Variants in CCDC171 observed in about 807,000 individuals in gnomAD.
CCDC171 encodes the protein coiled-coil domain containing 171.
CCDC171 carries 177 observed loss-of-function variants against 168.2 expected under a neutral mutation model. The observed-to-expected ratio is 1.05, with a 90% confidence interval of 0.93 to 1.19. CCDC171 has a LOEUF of 1.19. CCDC171 is among the 50% of genes most tolerant of loss of function. The probability of loss-of-function intolerance (pLI) is 0.00; values close to 1 mark genes in which losing one functional copy is unlikely to be tolerated. For synonymous variants in CCDC171, 687 were observed against 540.8 expected (o/e 1.27, Z -3.75); for missense variants, 1,991 against 1,539.0 (o/e 1.29, Z -4.91).
At chr9:15,697,356 C>A (rs529396658) in intron 11 of CCDC171, among the ~76,000 whole-genome samples, 8 of 152,182 alleles carry the variant, frequency 5.3e-5, no homozygotes, top group African/African-American at 1.9e-4. Context: ...GGTGCCTCAT[C>A]ATACCTTTTG....
intron 18 of CCDC171, among the ~76,000 whole-genome samples, chr9:15,746,266 C>T (rs1387666369): frequency 3.3e-5 from 5 of 152,070 alleles, no homozygotes; most frequent in Non-Finnish European, 1.5e-5. Flanking sequence ...GTGTAATGGA[C>T]TTAAGATTTG....
chr9:15,814,671 ATATTTT>A (rs2059492766), intron 21 of CCDC171, among the ~76,000 whole-genome samples: 2 of 151,972 alleles, frequency 1.3e-5, no homozygotes, highest in African/African-American at 4.8e-5. Flanking sequence ...AACACACTAG[ATATTTT>A]TATTATATAT....
intron 6 of CCDC171, among the ~76,000 whole-genome samples, chr9:15,619,289 C>T (rs2044330019): frequency 6.6e-6 from 1 of 152,114 alleles, no homozygotes; most frequent in Non-Finnish European, 1.5e-5. Context: ...CAGTACAGGC[C>T]AAACGCTATG....
the CCDC171 span, among the ~76,000 whole-genome samples, chr9:16,097,821 C>A: frequency 1.3e-5 from 2 of 152,206 alleles, no homozygotes; most frequent in South Asian, 4.1e-4. Flanking sequence ...AATCCAGACA[C>A]AGCATCATTG....
chr9:15,938,005 G>C (rs114888686), intron 25 of CCDC171, among the ~76,000 whole-genome samples: 230 of 151,890 alleles, frequency 1.5e-3, no homozygotes, highest in African/African-American at 5.3e-3. Context: ...TCAAAATAGA[G>C]AACAAATTAG....
chr9:15,887,056 G>C (rs80242269), intron 24 of CCDC171, among the ~76,000 whole-genome samples: 1 of 152,002 alleles, frequency 6.6e-6, no homozygotes, highest in African/African-American at 2.4e-5. Flanking sequence ...TCATGGTACA[G>C]TGCTATATAA....
chr9:15,799,595 C>T (rs1005808934), intron 21 of CCDC171, among the ~76,000 whole-genome samples: 8 of 152,014 alleles, frequency 5.3e-5, no homozygotes, highest in East Asian at 1.9e-4. Flanking sequence ...CCCCTGCAAC[C>T]GTTTATCCTT....
intron 1 of CCDC171, among the ~76,000 whole-genome samples, chr9:15,558,045 G>A (rs1194278037): frequency 9.2e-5 from 14 of 152,144 alleles, no homozygotes. Flanking sequence ...TACGTTTATT[G>A]ATTTGCGTAT....
chr9:15,830,283 G>C (rs1174903202), intron 21 of CCDC171, among the ~76,000 whole-genome samples: 1 of 152,102 alleles, frequency 6.6e-6, no homozygotes, highest in Non-Finnish European at 1.5e-5. Context: ...TGATCTAGAT[G>C]ACCTATTGAG....
chr9:16,065,648 T>C (rs1833982587), downstream of CCDC171, among the ~76,000 whole-genome samples: 2 of 152,188 alleles, frequency 1.3e-5, no homozygotes, highest in African/African-American at 4.8e-5. Context: ...TTGGAATATT[T>C]GCTTTAGAAA....
At chr9:15,920,468 G>C in intron 25 of CCDC171, 46 bp downstream of exon 25, 1 of 1,358,132 alleles carries the variant, frequency 7.4e-7, no homozygotes, top group Non-Finnish European at 1.0e-6. Context: ...TGAATCTTGG[G>C]TTACATTTAC....
At chr9:15,565,112 A>G (rs1189645828) in intron 2 of CCDC171, among the ~76,000 whole-genome samples, 2 of 143,778 alleles carry the variant, frequency 1.4e-5, no homozygotes, top group Admixed American at 7.0e-5. Context: ...TTTTTGAGAC[A>G]GAATCTTGCT....
intron 6 of CCDC171, among the ~76,000 whole-genome samples, chr9:16,033,414 TTC>T (rs1833401418): frequency 6.6e-6 from 1 of 152,126 alleles, no homozygotes. Context: ...CGGCATTAGA[TTC>T]TCATAGGAGC....
intron 23 of CCDC171, among the ~76,000 whole-genome samples, chr9:15,850,051 T>C (rs1273433010): frequency 6.6e-6 from 1 of 152,004 alleles, no homozygotes; most frequent in Non-Finnish European, 1.5e-5. Context: ...AGTTTAAATA[T>C]AGTCACATTA....
chr9:15,699,040 T>C (rs2051456613), intron 11 of CCDC171, among the ~76,000 whole-genome samples: 1 of 152,260 alleles, frequency 6.6e-6, no homozygotes. Context: ...TGGTGGTTAC[T>C]TGGTCTCACT....
the CCDC171 span, among the ~76,000 whole-genome samples, chr9:16,099,311 A>C: frequency 5.9e-3 from 898 of 152,222 alleles, 10 homozygotes; most frequent in Non-Finnish European, 9.2e-3. Flanking sequence ...GCTAAGTTTC[A>C]TTTCACAACA....
At chr9:15,809,183 A>G (rs933051564) in intron 21 of CCDC171, among the ~76,000 whole-genome samples, 8 of 152,196 alleles carry the variant, frequency 5.3e-5, no homozygotes, top group Non-Finnish European at 5.9e-5. Flanking sequence ...TATTGGAGTT[A>G]GATAATAATT....
chr9:16,081,656 A>G, the CCDC171 span, among the ~76,000 whole-genome samples: 1 of 152,158 alleles, frequency 6.6e-6, no homozygotes. Context: ...GTGGGGTAAT[A>G]CATTTTTTTT....
chr9:15,597,044 G>T (rs146762198), intron 6 of CCDC171, among the ~76,000 whole-genome samples: 54,574 of 151,780 alleles, frequency 0.36, 12,206 homozygotes, highest in East Asian at 0.63. Context: ...GGAGATTTTG[G>T]GCTGAGACGA....
Sources: allele counts gnomAD v4.1 joint callset (sites outside exome capture counted in the v4.1 genomes callset), GRCh38; gene constraint gnomAD v4.1.1; transcripts MANE v1.5; gene names NCBI Gene and HGNC (gene_info 2026-07-23, HGNC 2026-07-21).